Variants in RTL4 observed in about 807,000 individuals in gnomAD.
The protein encoded by RTL4 is retrotransposon Gag like 4, also known as retrotransposon Gag-like protein 4.
A neutral mutation model predicts 5.3 loss-of-function variants in RTL4; 4 were observed. That is an observed-to-expected ratio of 0.75 (90% CI 0.37 to 1.72). RTL4 has a LOEUF of 1.72. RTL4 is among the 40% of genes most tolerant of loss of function. RTL4 has a pLI of 0.04. For missense variants in RTL4, 260 were observed against 227.1 expected (o/e 1.14, Z -0.93); for synonymous variants, 98 against 87.3 (o/e 1.12, Z -0.68).
the RTL4 span, among the ~76,000 whole-genome samples, chrX:112,098,116 C>G: frequency 1.1e-5 from 1 of 88,025 alleles, no homozygotes; most frequent in African/African-American, 4.2e-5. Flanking sequence ...CCCCTCCCCC[C>G]ACCCCACAAC....
chrX:112,357,243 C>CAAAAAAAAAAAAAAA, the RTL4 span, among the ~76,000 whole-genome samples: 2 of 100,954 alleles, frequency 2.0e-5, no homozygotes, highest in African/African-American at 7.2e-5. Context: ...ACTACTTCAC[C>CAAAAAAAAAAAAAAA]AAAAAAAAAA....
the RTL4 span, among the ~76,000 whole-genome samples, chrX:112,180,717 T>TC: frequency 9.0e-6 from 1 of 111,708 alleles, no homozygotes; most frequent in Non-Finnish European, 1.9e-5. Context: ...GAATACCTTT[T>TC]CCCCCCAGTT....
At chrX:112,181,688 C>T in the RTL4 span, among the ~76,000 whole-genome samples, 18 of 112,107 alleles carry the variant, frequency 1.6e-4, no homozygotes, top group East Asian at 4.2e-3. Flanking sequence ...CAGTCAGGGA[C>T]TTACAGATAA....
chrX:112,179,270 T>G, the RTL4 span, among the ~76,000 whole-genome samples: 3 of 111,060 alleles, frequency 2.7e-5, no homozygotes. Context: ...CTAGAGGGAA[T>G]CTGTGGTGGG....
chrX:112,447,468 A>G, the RTL4 span, among the ~76,000 whole-genome samples: 3 of 112,490 alleles, frequency 2.7e-5, no homozygotes, highest in African/African-American at 9.7e-5. Context: ...TTAATCCAAC[A>G]TCCGTCTAAC....
the RTL4 span, among the ~76,000 whole-genome samples, chrX:112,166,725 C>A: frequency 2.7e-5 from 3 of 111,928 alleles, no homozygotes; most frequent in East Asian, 8.4e-4. Flanking sequence ...TTACCACTTA[C>A]TAGCTGAATT....
the RTL4 span, among the ~76,000 whole-genome samples, chrX:112,444,937 T>A: frequency 8.9e-6 from 1 of 112,150 alleles, no homozygotes; most frequent in Non-Finnish European, 1.9e-5. Flanking sequence ...CTATTTTGTT[T>A]AACTTTTCAA....
At chrX:112,408,612 C>T in the RTL4 span, among the ~76,000 whole-genome samples, 1 of 111,513 alleles carries the variant, frequency 9.0e-6, no homozygotes, top group African/African-American at 3.3e-5. Flanking sequence ...GGGATAATAT[C>T]AGAGGCATTC....
the RTL4 span, among the ~76,000 whole-genome samples, chrX:112,253,030 C>T: frequency 9.0e-6 from 1 of 111,686 alleles, no homozygotes; most frequent in Non-Finnish European, 1.9e-5. Context: ...TTTTCTGATA[C>T]TTGCTATAGA....
the RTL4 span, among the ~76,000 whole-genome samples, chrX:112,237,214 T>C: frequency 8.9e-6 from 1 of 112,194 alleles, no homozygotes; most frequent in African/African-American, 3.2e-5. Context: ...AAGATCATTT[T>C]ATTTTAGGGG....
the RTL4 span, among the ~76,000 whole-genome samples, chrX:112,334,424 A>G: frequency 1.8e-5 from 2 of 111,892 alleles, no homozygotes; most frequent in East Asian, 2.8e-4. Flanking sequence ...CCAACAGTGT[A>G]CAGGGTTCCC....
exon 1 of RTL4, chrX:112,455,240 A>T (rs1249102861): frequency 1.7e-6 from 2 of 1,211,489 alleles, no homozygotes; most frequent in Admixed American, 2.2e-5. Context: ...CTCCTCGCTC[A>T]AAATCTGATC....
At chrX:112,177,099 CTT>C in the RTL4 span, among the ~76,000 whole-genome samples, 1 of 109,911 alleles carries the variant, frequency 9.1e-6, no homozygotes, top group East Asian at 2.9e-4. Flanking sequence ...TTGATGGACA[CTT>C]AGGTTGATTC....
chrX:112,329,636 G>A, the RTL4 span, among the ~76,000 whole-genome samples: 1 of 110,124 alleles, frequency 9.1e-6, no homozygotes, highest in East Asian at 2.9e-4. Flanking sequence ...AGAAAAAGAG[G>A]GAATCCTCCC....
chrX:112,323,639 A>T, the RTL4 span, among the ~76,000 whole-genome samples: 1 of 109,979 alleles, frequency 9.1e-6, no homozygotes, highest in African/African-American at 3.3e-5. Context: ...GACTACAGGC[A>T]CATGCTCCAT....
the RTL4 span, among the ~76,000 whole-genome samples, chrX:112,225,984 A>G: frequency 2.7e-5 from 3 of 111,641 alleles, no homozygotes; most frequent in East Asian, 8.5e-4. Context: ...GCTTATTTTA[A>G]GCTATATATG....
the RTL4 span, among the ~76,000 whole-genome samples, chrX:112,101,730 G>T: frequency 2.7e-5 from 3 of 110,853 alleles, no homozygotes; most frequent in Non-Finnish European, 3.8e-5. Flanking sequence ...TTAATAATAG[G>T]ATATTTGCAA....
At chrX:112,391,214 T>C in the RTL4 span, among the ~76,000 whole-genome samples, 1 of 111,984 alleles carries the variant, frequency 8.9e-6, no homozygotes. Context: ...AGCTCCTGTA[T>C]TGTTTTATTG....
At chrX:112,387,781 G>T in the RTL4 span, among the ~76,000 whole-genome samples, 1 of 111,707 alleles carries the variant, frequency 9.0e-6, no homozygotes, top group African/African-American at 3.3e-5. Context: ...TGGTCTACGT[G>T]TCTGGTTGTG....
Sources: allele counts gnomAD v4.1 joint callset (sites outside exome capture counted in the v4.1 genomes callset), GRCh38; gene constraint gnomAD v4.1.1; transcripts MANE v1.5; gene names NCBI Gene and HGNC (gene_info 2026-07-23, HGNC 2026-07-21).